TBCK: variants seen among roughly 807,000 people sequenced by gnomAD.
The protein encoded by TBCK is TBC domain-containing protein kinase-like protein.
A neutral mutation model predicts 113.4 loss-of-function variants in TBCK; 99 were observed. The ratio of observed to expected loss-of-function variants is 0.87; its 90% CI spans 0.74 to 1.03. The LOEUF is 1.03. TBCK is among the 50% of genes least tolerant of loss of function. The probability of loss-of-function intolerance (pLI) is 0.00; values close to 1 mark genes in which losing one functional copy is unlikely to be tolerated. For missense variants in TBCK, 1,045 were observed against 1,061.3 expected, an observed-to-expected ratio of 0.98 and a Z score of 0.21; for synonymous variants, 369 against 370.8, an observed-to-expected ratio of 1.00 and a Z score of 0.05.
intron 23 of TBCK, among the ~76,000 whole-genome samples, chr4:106,156,158 G>C (rs1749097689): frequency 6.6e-6 from 1 of 152,094 alleles, no homozygotes; most frequent in East Asian, 1.9e-4. Flanking sequence ...CATGGTCTTA[G>C]ATAAGATCCA....
chr4:106,148,371 C>A (rs1430236219), intron 23 of TBCK, among the ~76,000 whole-genome samples: 2 of 152,122 alleles, frequency 1.3e-5, no homozygotes, highest in African/African-American at 4.8e-5. Flanking sequence ...TGTGATGTCT[C>A]CCCCGGATGC....
intron 24 of TBCK, among the ~76,000 whole-genome samples, chr4:106,097,356 A>G (rs1194817801): frequency 6.6e-6 from 1 of 152,176 alleles, no homozygotes; most frequent in Non-Finnish European, 1.5e-5. Context: ...GTCCTGGATA[A>G]TATCTAAGAA....
intron 23 of TBCK, among the ~76,000 whole-genome samples, chr4:106,122,368 T>G (rs1335871420): frequency 6.6e-6 from 1 of 152,168 alleles, no homozygotes; most frequent in Non-Finnish European, 1.5e-5. Context: ...GGAGCTGAAA[T>G]TGTGGCAATA....
chr4:106,302,696 C>A (rs1560994270), intron 2 of TBCK, among the ~76,000 whole-genome samples: 1 of 152,116 alleles, frequency 6.6e-6, no homozygotes, highest in Non-Finnish European at 1.5e-5. Flanking sequence ...TCAGCATCTA[C>A]TGTACTGTCA....
At chr4:106,150,367 T>C (rs1343191712) in intron 23 of TBCK, among the ~76,000 whole-genome samples, 1 of 152,072 alleles carries the variant, frequency 6.6e-6, no homozygotes, top group African/African-American at 2.4e-5. Context: ...AAGATATGAG[T>C]TGTGAGAACC....
At chr4:106,275,946 C>T (rs1763982748) in intron 3 of TBCK, among the ~76,000 whole-genome samples, 1 of 151,802 alleles carries the variant, frequency 6.6e-6, no homozygotes, top group Admixed American at 6.6e-5. Context: ...TACAAAGAAC[C>T]AAAAATAGCT....
intron 23 of TBCK, among the ~76,000 whole-genome samples, chr4:106,122,529 G>T (rs1744557997): frequency 6.6e-6 from 1 of 152,180 alleles, no homozygotes; most frequent in South Asian, 2.1e-4. Context: ...ATTTTATGAG[G>T]CCAGCATCAT....
At chr4:106,097,139 GATTT>G (rs1184730337) in intron 24 of TBCK, among the ~76,000 whole-genome samples, 7 of 152,056 alleles carry the variant, frequency 4.6e-5, no homozygotes, top group South Asian at 2.1e-4. Context: ...TTATCCTTGT[GATTT>G]ATTATTTGTT....
At chr4:106,091,353 C>G (rs928353718) in intron 25 of TBCK, among the ~76,000 whole-genome samples, 2 of 152,328 alleles carry the variant, frequency 1.3e-5, no homozygotes, top group South Asian at 4.1e-4. Context: ...AAGCCATTCA[C>G]GAAGGATCTG....
chr4:106,254,390 T>C (rs1761760027), intron 5 of TBCK, among the ~76,000 whole-genome samples: 1 of 152,208 alleles, frequency 6.6e-6, no homozygotes, highest in Non-Finnish European at 1.5e-5. Context: ...GTCTTAGGCT[T>C]CCTATGATAA....
In TBCK at chr4:106,095,577, C is replaced by T. The variant is rs1740803693; in HGVS notation, c.2476G>A (p.Gly826Arg). 4 of 1,613,968 alleles carry T rather than the reference C, an allele frequency of 2.5e-6. No homozygotes were observed. The highest frequency in any genetic ancestry group is 1.3e-5 in the African/African-American group (1 of 74,920). Residue 826 changes from glycine (G) to arginine (R), a missense_variant, in exon 25 of 26, where the codon GGG (glycine) becomes AGG (arginine). Gly to Arg is a moderately radical substitution (Grantham distance 125, BLOSUM62 -2). Transcript: ENST00000394708. ...IPFSAAFTAE[G>R]ELTQGPYTAM... ...GTGTAAGGGCCCTGGGTAAGCTCCC[C>T]TTCTGCAGTGAAGGCAGCACTGAAT...
At chr4:106,299,211 T>G (rs977280015) in intron 2 of TBCK, among the ~76,000 whole-genome samples, 11 of 152,162 alleles carry the variant, frequency 7.2e-5, no homozygotes, top group African/African-American at 2.7e-4. Context: ...TGAATTAACT[T>G]TAGCAAAGGC....
At chr4:106,116,112 A>C in intron 24 of TBCK, 91 bp downstream of exon 24, 2 of 1,021,570 alleles carry the variant, frequency 2.0e-6, no homozygotes, top group Non-Finnish European at 2.7e-6. Context: ...GAATCCCAGA[A>C]TTTTTTTTTT....
intron 2 of TBCK, among the ~76,000 whole-genome samples, chr4:106,301,267 T>C (rs530825345): frequency 1.5e-4 from 23 of 150,932 alleles, no homozygotes; most frequent in African/African-American, 5.3e-4. Context: ...TGTAGTTCCA[T>C]ATAATTCTAT....
chr4:106,221,794 A>G (rs1289334817), intron 19 of TBCK, among the ~76,000 whole-genome samples: 1 of 152,168 alleles, frequency 6.6e-6, no homozygotes, highest in Non-Finnish European at 1.5e-5. Flanking sequence ...AGAAGGGAAT[A>G]ACAGACTCCA....
chr4:106,082,920 G>C (rs1269749746), intron 25 of TBCK, among the ~76,000 whole-genome samples: 1 of 152,220 alleles, frequency 6.6e-6, no homozygotes, highest in African/African-American at 2.4e-5. Flanking sequence ...ACCCAGCCAG[G>C]GGAAACTGTG....
At chr4:106,220,018 T>C (rs1757488827) in intron 19 of TBCK, among the ~76,000 whole-genome samples, 1 of 152,240 alleles carries the variant, frequency 6.6e-6, no homozygotes, top group African/African-American at 2.4e-5. Flanking sequence ...GAACAAATAG[T>C]ACTAAATTAT....
chr4:106,050,159 T>C (rs964832366), intron 25 of TBCK, among the ~76,000 whole-genome samples: 8 of 151,978 alleles, frequency 5.3e-5, no homozygotes, highest in African/African-American at 1.2e-4. Context: ...TGATAAAAAA[T>C]TCAATTTGCT....
chr4:106,068,628 T>TA (rs1444745980), intron 25 of TBCK, among the ~76,000 whole-genome samples: 2 of 152,230 alleles, frequency 1.3e-5, no homozygotes, highest in Non-Finnish European at 2.9e-5. Context: ...TGCATCTTTA[T>TA]AGTAGCATGA....
Sources: gnomAD v4.1 joint callset for allele counts (sites outside exome capture counted in the v4.1 genomes callset) on GRCh38, gnomAD v4.1.1 for gene constraint, MANE v1.5 for transcripts, NCBI Gene and HGNC (gene_info 2026-07-23, HGNC 2026-07-21) for gene names.